TRANK1: variants seen among roughly 807,000 people sequenced by gnomAD.
The protein encoded by TRANK1 is tetratricopeptide repeat and ankyrin repeat containing 1, also known as TPR and ankyrin repeat-containing protein 1.
A neutral mutation model predicts 266.0 loss-of-function variants in TRANK1; 198 were observed. The ratio of observed to expected loss-of-function variants is 0.74; its 90% CI spans 0.66 to 0.84. The LOEUF (loss-of-function observed/expected upper bound fraction) is 0.84. TRANK1 is among the 40% of genes least tolerant of loss of function. The pLI, the probability that TRANK1 is intolerant of heterozygous loss-of-function variation, is 0.00. For synonymous variants in TRANK1, 1,396 were observed against 1,384.1 expected (o/e 1.01, Z -0.19); for missense variants, 3,326 against 3,634.6 (o/e 0.92, Z 2.18).
chr3:36,919,516 T>A (rs565759652), intron 1 of TRANK1, among the ~76,000 whole-genome samples: 1 of 152,252 alleles, frequency 6.6e-6, no homozygotes, highest in Non-Finnish European at 1.5e-5. Context: ...AATTTACTTA[T>A]CCATTCTGTT....
intron 3 of TRANK1, among the ~76,000 whole-genome samples, chr3:36,901,769 A>G (rs901219221): frequency 6.6e-6 from 1 of 152,186 alleles, no homozygotes; most frequent in African/African-American, 2.4e-5. Context: ...GGTAAGAACT[A>G]GGAAGTGGCC....
intron 1 of TRANK1, among the ~76,000 whole-genome samples, chr3:36,944,115 C>G (rs901239726): frequency 3.3e-5 from 5 of 152,144 alleles, no homozygotes; most frequent in African/African-American, 1.2e-4. Context: ...ACTCCGAGCT[C>G]CGGTTCGGAA....
chr3:36,912,983 G>C (rs1313899851), intron 1 of TRANK1, among the ~76,000 whole-genome samples: 1 of 151,802 alleles, frequency 6.6e-6, no homozygotes, highest in African/African-American at 2.4e-5. Flanking sequence ...CGGGAATGCT[G>C]GCAGTAGCAG....
chr3:36,921,878 A>G (rs1465342387), intron 1 of TRANK1, among the ~76,000 whole-genome samples: 2 of 152,194 alleles, frequency 1.3e-5, no homozygotes, highest in Admixed American at 1.3e-4. Flanking sequence ...ACGGTGGCTC[A>G]CACCTTTAAT....
chr3:36,918,765 G>A (rs1036156434), intron 1 of TRANK1, among the ~76,000 whole-genome samples: 2 of 152,008 alleles, frequency 1.3e-5, no homozygotes, highest in African/African-American at 4.8e-5. Context: ...TTTTCCTTAC[G>A]CACACTATGT....
Position 36,856,307 on chromosome 3 carries a change from C to A in TRANK1, c.3415G>T (p.Glu1139Ter). Residue 1139 changes from glutamate to a stop codon, truncating the protein, a stop_gained, in exon 13 of 24, where the codon GAG (glutamate) becomes TAG (stop). Coordinates refer to ENST00000645898, the MANE Select transcript of TRANK1 (RefSeq NM_001329998.2). LOFTEE classifies it high-confidence loss of function. ...GGEEEEEEED[E>*]EEEDSIEVET... ...ACTTCAATAGAATCTTCCTCTTCCT[C>A]GTCCTCTTCCTCCTCCTCTTCCTCC... The A allele has an allele frequency of 6.3e-7, 1 of 1,579,950 alleles. No individual in the cohort carries two copies. Among genetic ancestry groups the A allele is most frequent in the Non-Finnish European group, 8.6e-7 (1 of 1,162,806 alleles).
At chr3:36,835,572 C>T (rs897729975) in intron 20 of TRANK1, among the ~76,000 whole-genome samples, 1 of 151,986 alleles carries the variant, frequency 6.6e-6, no homozygotes, top group Non-Finnish European at 1.5e-5. Flanking sequence ...CAACAAAACC[C>T]AAAACACAAA....
chr3:36,854,779 C>T (rs4327336), intron 13 of TRANK1, among the ~76,000 whole-genome samples: 93,089 of 150,032 alleles, frequency 0.62, 28,981 homozygotes, highest in Admixed American at 0.67. Flanking sequence ...TTTTTTTTTT[C>T]CTTCTCTTTG....
rs1179363405 is a variant in TRANK1 at position 36,838,687 on chromosome 3, AC to A, written c.5309del (p.Gly1770ValfsTer16). On this transcript the variant is annotated frameshift_variant, in exon 19 of 24. Coordinates refer to ENST00000645898, the MANE Select transcript of TRANK1 (RefSeq NM_001329998.2). LOFTEE classifies it high-confidence loss of function. ...KVAAKCYQKG[G>X]AFEKEKLALA... The stretch of plus-strand genomic sequence containing the variant: ...GGGCCAACTTCTCCTTCTCAAATGC[AC>A]CTCCTTTCTGGTAACACTTGGCTGC... The A allele has an allele frequency of 1.9e-6, 3 of 1,613,540 alleles. No individual in the cohort carries two copies. Among genetic ancestry groups the A allele is most frequent in the Non-Finnish European group, 2.5e-6 (3 of 1,179,758 alleles).
At chr3:36,836,159 A>C (rs1398546239) in intron 20 of TRANK1, among the ~76,000 whole-genome samples, 1 of 152,250 alleles carries the variant, frequency 6.6e-6, no homozygotes, top group East Asian at 1.9e-4. Flanking sequence ...CACAAAGTGG[A>C]ATGGCTATCC....
intron 3 of TRANK1, 39 bp from the exon 4 acceptor site, chr3:36,899,298 T>TACATGTAC (rs1304703129): frequency 1.3e-6 from 2 of 1,529,194 alleles, no homozygotes; most frequent in East Asian, 4.9e-5. Context: ...ATGTACCACA[T>TACATGTAC]CTCCTTTAAC....
intron 1 of TRANK1, among the ~76,000 whole-genome samples, chr3:36,943,743 C>T (rs2080530546): frequency 6.6e-6 from 1 of 151,860 alleles, no homozygotes; most frequent in African/African-American, 2.4e-5. Context: ...AGCAGGAGCG[C>T]ATACCTACGC....
chr3:36,892,862 T>TAG (rs1553626396), intron 6 of TRANK1, 39 bp downstream of exon 6: 10 of 739,936 alleles, frequency 1.4e-5, no homozygotes, highest in South Asian at 4.5e-5. Flanking sequence ...CATATATATA[T>TAG]ATATATATAG....
chr3:36,867,878 G>C (rs1388055779), intron 9 of TRANK1, among the ~76,000 whole-genome samples: 2 of 152,188 alleles, frequency 1.3e-5, no homozygotes, highest in South Asian at 2.1e-4. Flanking sequence ...TCCCCACCGG[G>C]GACACTGTGT....
chr3:36,860,857 G>A (rs1043412413), intron 11 of TRANK1, 49 bp downstream of exon 11: 15 of 1,529,202 alleles, frequency 9.8e-6, no homozygotes, highest in African/African-American at 2.7e-5. Flanking sequence ...ACTCCATCAC[G>A]TGGAGAATGT....
In TRANK1 at chr3:36,892,983, G is replaced by T; in HGVS notation, c.554C>A (p.Ser185Ter). ...TTTTTTTGCTGACAGAAGCAGAAATGACTGGTGGGAGAAGACAGAAAAGGC... is the reference window on the plus strand; with the variant it reads ...TTTTTTTGCTGACAGAAGCAGAAATTACTGGTGGGAGAAGACAGAAAAGGC... ...EKLAKKGLWH[S>*]FLLLSAKKDR... Residue 185 changes from serine to a stop codon, truncating the protein, a stop_gained and splice_region_variant, in exon 6 of 24, where the codon TCA becomes TAA. Coordinates refer to ENST00000645898, the MANE Select transcript of TRANK1 (RefSeq NM_001329998.2). LOFTEE classifies it high-confidence loss of function. The T allele has an allele frequency of 6.7e-7, 1 of 1,502,228 alleles. No homozygotes were observed. The highest frequency in any genetic ancestry group is 2.3e-5 in the Admixed American group (1 of 43,524). 93.1% of individuals were successfully genotyped at this position (1,502,228 alleles called of 1,614,324 possible).
Position 36,831,799 on chromosome 3 carries a change from C to T in TRANK1, c.7784G>A (p.Arg2595Lys), listed in dbSNP as rs1383417862. The T allele has an allele frequency of 6.2e-7, 1 of 1,613,950 alleles. No homozygotes were observed. The highest frequency in any genetic ancestry group is 2.2e-5 in the East Asian group (1 of 44,880). The change falls in exon 22 of 24, where the codon AGG becomes AAG. Residue 2595 changes from arginine to lysine, a missense_variant. Physicochemically the swap from Arg to Lys is conservative, Grantham distance 26. Transcript: ENST00000645898. The surrounding 1 kb of genome is among the most constrained non-coding windows in gnomAD (Gnocchi z 5.0). ...LYRHFREIES[R>K]LQLMSMDCPG... is the part of the protein sequence containing the mutation. ...GCAGTCCATGCTCATGAGCTGCAGC[C>T]TTGACTCAATCTCCCGGAAGTGGCG...
At chr3:36,933,638 G>C (rs988099601) in intron 1 of TRANK1, among the ~76,000 whole-genome samples, 1 of 152,214 alleles carries the variant, frequency 6.6e-6, no homozygotes, top group Non-Finnish European at 1.5e-5. Context: ...CCCAGGGCTT[G>C]CTTCTGGTTC....
intron 1 of TRANK1, among the ~76,000 whole-genome samples, chr3:36,925,384 T>A (rs1430982252): frequency 2.6e-5 from 4 of 152,132 alleles, no homozygotes; most frequent in African/African-American, 9.7e-5. Context: ...ATCTTCCTCT[T>A]TTTTTTCTGT....
Sources: allele counts gnomAD v4.1 joint callset (sites outside exome capture counted in the v4.1 genomes callset), GRCh38; gene constraint gnomAD v4.1.1; non-coding constraint Gnocchi (gnomAD v3.1); transcripts MANE v1.5; gene names NCBI Gene and HGNC (gene_info 2026-07-23, HGNC 2026-07-21).